Variants in ERC2 observed in about 807,000 individuals in gnomAD.
The protein encoded by ERC2 is ERC protein 2.
ERC2 carries 42 observed loss-of-function variants against 114.8 expected under a neutral mutation model. The ratio of observed to expected loss-of-function variants is 0.37; its 90% CI spans 0.29 to 0.47. ERC2 has a LOEUF of 0.47. Among genes scored for constraint, ERC2 ranks in the 20% least tolerant of loss-of-function variants. ERC2 has a pLI of 0.99. For synonymous variants in ERC2, 454 were observed against 425.5 expected (o/e 1.07, Z -0.82); for missense variants, 939 against 1,150.7 (o/e 0.82, Z 2.66).
intron 1 of ERC2, among the ~76,000 whole-genome samples, chr3:56,440,269 C>T (rs957418823): frequency 9.9e-5 from 15 of 152,250 alleles, no homozygotes; most frequent in African/African-American, 3.4e-4. Context: ...TGCGGCCGGG[C>T]GAGGTGGCTC....
intron 6 of ERC2, among the ~76,000 whole-genome samples, chr3:56,098,380 G>A (rs1452177178): frequency 4.6e-5 from 7 of 152,144 alleles, no homozygotes; most frequent in Non-Finnish European, 5.9e-5. Flanking sequence ...TCTTCCCTCC[G>A]AGATTCTTCT....
At chr3:55,605,623 TAA>T (rs2058610170) in intron 17 of ERC2, among the ~76,000 whole-genome samples, 1 of 152,216 alleles carries the variant, frequency 6.6e-6, no homozygotes, top group Admixed American at 6.5e-5. Context: ...ATTATAAAAT[TAA>T]GTGTCATTCA....
At chr3:56,249,726 C>T (rs974162063) in intron 3 of ERC2, among the ~76,000 whole-genome samples, 1 of 152,122 alleles carries the variant, frequency 6.6e-6, no homozygotes, top group Non-Finnish European at 1.5e-5. Context: ...ATTAAATGAG[C>T]TAATACATGT....
At chr3:56,243,158 T>TATAACAAAGAAG (rs1211762488) in intron 3 of ERC2, among the ~76,000 whole-genome samples, 2 of 152,070 alleles carry the variant, frequency 1.3e-5, no homozygotes, top group African/African-American at 4.8e-5. Flanking sequence ...AAGAACAATA[T>TATAACAAAGAAG]ATAACAAAGA....
At chr3:56,052,401 C>T (rs753795031) in intron 7 of ERC2, among the ~76,000 whole-genome samples, 7 of 152,240 alleles carry the variant, frequency 4.6e-5, no homozygotes, top group African/African-American at 9.6e-5. Context: ...CTCCCGCCCA[C>T]AGGCCAGTTT....
intron 10 of ERC2, among the ~76,000 whole-genome samples, chr3:55,993,396 G>C (rs894632483): frequency 1.3e-5 from 2 of 151,970 alleles, no homozygotes; most frequent in Non-Finnish European, 2.9e-5. Context: ...GAAAAAACAA[G>C]GCAAGCAAGC....
At chr3:55,585,461 G>C (rs2057550114) in intron 17 of ERC2, among the ~76,000 whole-genome samples, 1 of 152,122 alleles carries the variant, frequency 6.6e-6, no homozygotes, top group Non-Finnish European at 1.5e-5. Flanking sequence ...AGTGGCTGCT[G>C]GTTCCATAAT....
chr3:56,442,425 G>T (rs566553118), intron 1 of ERC2, among the ~76,000 whole-genome samples: 1 of 151,952 alleles, frequency 6.6e-6, no homozygotes, highest in Admixed American at 6.6e-5. Flanking sequence ...TTGTCATGTT[G>T]CCCAGGCTTG....
intron 11 of ERC2, among the ~76,000 whole-genome samples, chr3:55,991,417 A>G (rs1191460432): frequency 6.6e-6 from 1 of 152,234 alleles, no homozygotes; most frequent in Admixed American, 6.5e-5. Context: ...CATCCACACT[A>G]TACATAAATA....
chr3:55,534,395 CA>C (rs34419845), intron 17 of ERC2, among the ~76,000 whole-genome samples: 1,127 of 107,240 alleles, frequency 0.011, 9 homozygotes, highest in Middle Eastern at 0.042. Flanking sequence ...GAGACCCTGT[CA>C]AAAAAAAAAA....
At chr3:55,781,490 A>T (rs2069039298) in intron 14 of ERC2, among the ~76,000 whole-genome samples, 1 of 148,184 alleles carries the variant, frequency 6.7e-6, no homozygotes, top group Non-Finnish European at 1.5e-5. Flanking sequence ...TTAATTTTTT[A>T]AAAATGGTTT....
At chr3:55,919,284 T>C (rs1196001435) in intron 13 of ERC2, among the ~76,000 whole-genome samples, 1 of 152,016 alleles carries the variant, frequency 6.6e-6, no homozygotes, top group South Asian at 2.1e-4. Flanking sequence ...AAGACTGAAG[T>C]GAGAGGATGG....
intron 3 of ERC2, among the ~76,000 whole-genome samples, chr3:56,257,667 C>G (rs147032884): frequency 6.6e-6 from 1 of 152,214 alleles, no homozygotes; most frequent in African/African-American, 2.4e-5. Context: ...CGGCCATTGC[C>G]TTGCATGTAT....
chr3:56,177,060 A>G (rs1176802483), intron 3 of ERC2, among the ~76,000 whole-genome samples: 2 of 152,234 alleles, frequency 1.3e-5, no homozygotes, highest in Non-Finnish European at 2.9e-5. Flanking sequence ...ATCATTTGAA[A>G]GGCTGCTGAA....
In ERC2 at chr3:56,294,279, A is replaced by G. The variant is rs142845888; in HGVS notation, c.1074+1740T>C. On this transcript the variant is annotated intron_variant, in intron 3 of 17. Coordinates refer to ENST00000288221, the MANE Select transcript of ERC2 (RefSeq NM_015576.3). ...AATTGAGCAGCTTAAAAGAGTACAC[A>G]TTTATTATCTCACAGTTTCTGTGTG... Among the ~76,000 whole-genome samples, 404 of 152,356 alleles carry G rather than the reference A, an allele frequency of 2.7e-3. 2 individuals carry two copies. Among genetic ancestry groups the G allele is most frequent in the South Asian group, 0.02 (95 of 4,832 alleles).
intron 7 of ERC2, among the ~76,000 whole-genome samples, chr3:56,021,718 C>T (rs2073725355): frequency 6.6e-6 from 1 of 152,156 alleles, no homozygotes; most frequent in Admixed American, 6.5e-5. Flanking sequence ...TCCTCTCCCT[C>T]CTCCCACCTT....
chr3:56,298,202 G>C (rs927131253), intron 2 of ERC2, among the ~76,000 whole-genome samples: 1 of 152,092 alleles, frequency 6.6e-6, no homozygotes, highest in African/African-American at 2.4e-5. Context: ...CCCAGGCCCT[G>C]GTAACCACTG....
At chr3:55,729,500 T>G (rs980325250) in intron 15 of ERC2, among the ~76,000 whole-genome samples, 27 of 152,014 alleles carry the variant, frequency 1.8e-4, no homozygotes, top group African/African-American at 6.5e-4. Context: ...ACCATACAAT[T>G]TATGTATTAT....
chr3:55,832,605 T>A (rs2060655942), intron 14 of ERC2, among the ~76,000 whole-genome samples: 1 of 152,152 alleles, frequency 6.6e-6, no homozygotes, highest in African/African-American at 2.4e-5. Context: ...AAAACCTATC[T>A]GTACATCACC....
Sources: gnomAD v4.1 joint callset for allele counts (sites outside exome capture counted in the v4.1 genomes callset) on GRCh38, gnomAD v4.1.1 for gene constraint, MANE v1.5 for transcripts, NCBI Gene and HGNC (gene_info 2026-07-23, HGNC 2026-07-21) for gene names.